PTPRT: variants seen among roughly 807,000 people sequenced by gnomAD.
The protein encoded by PTPRT is receptor-type tyrosine-protein phosphatase T.
A neutral mutation model predicts 176.8 loss-of-function variants in PTPRT; 56 were observed. The ratio of observed to expected loss-of-function variants is 0.32; its 90% CI spans 0.26 to 0.40. The LOEUF is 0.40. Ranked by LOEUF, PTPRT falls within the 10% of genes least tolerant of loss-of-function variation. The probability of loss-of-function intolerance (pLI) is 1.00; values close to 1 mark genes in which losing one functional copy is unlikely to be tolerated. For missense variants in PTPRT, 1,540 were observed against 1,908.2 expected, an observed-to-expected ratio of 0.81 and a Z score of 3.60; for synonymous variants, 783 against 739.0, an observed-to-expected ratio of 1.06 and a Z score of -0.96.
In PTPRT at chr20:42,480,985, C is replaced by T. The variant is rs551067939; in HGVS notation, c.1154-8423G>A. 1.1e-4 allele frequency among the ~76,000 whole-genome samples: 17 copies of T among 151,118 alleles called. No individual in the cohort carries two copies. In the South Asian group the frequency reaches 3.1e-3, roughly 28 times the overall value. ...TACCATTTTTCATGAAAGGTTCATT[C>T]GAGGCAAGTACAACAATACTCTAAG... On this transcript the variant is annotated intron_variant, in intron 7 of 30. Coordinates refer to ENST00000373187, the MANE Select transcript of PTPRT (RefSeq NM_007050.6).
chr20:43,080,667 C>A (rs936438805), intron 1 of PTPRT, among the ~76,000 whole-genome samples: 4 of 152,236 alleles, frequency 2.6e-5, no homozygotes, highest in South Asian at 2.1e-4. Context: ...CTCTCCAGCT[C>A]TTCTTGCATG....
rs554477448 is a variant in PTPRT, at chr20:42,640,609, G to A, written c.1153+37257C>T. ...TCACCATGTTGGCCAGGCTGGTCTC[G>A]AACTCCTGACCACCGCCTCAGCCTC... On this transcript the variant is annotated intron_variant, in intron 7 of 30. Transcript: ENST00000373187. 3.3e-5 allele frequency among the ~76,000 whole-genome samples: 5 copies of A among 152,000 alleles called. No homozygotes were observed. In the South Asian group the frequency reaches 6.2e-4, roughly 19 times the overall value.
chr20:42,102,144 T>C lies in PTPRT; in HGVS notation c.3694A>G (p.Ile1232Val), dbSNP rs2146238866. ...CTTACATCCATCAGTGCTGCGTTGA[T>C]GTAATTGCTGGATTCTCCGTCCACT... ...ISVDGESSNY[I>V]NAALMDSHKQ... is the part of the protein sequence containing the mutation. Residue 1232 changes from isoleucine (I) to valine (V), a missense_variant, in exon 26 of 31, where the codon ATC becomes GTC. By Grantham distance (29) the Ile-to-Val change is conservative. Around this residue, in one of 11 missense-constraint regions of PTPRT, gnomAD observed 342 missense variants for 394.0 expected, o/e 0.87. Transcript: ENST00000373187. The C allele has an allele frequency of 1.2e-6, 2 of 1,614,010 alleles. No individual in the cohort carries two copies. The highest frequency in any genetic ancestry group is 1.7e-6 in the Non-Finnish European group (2 of 1,179,986).
At chr20:43,024,071 G>T (rs1268467244) in intron 1 of PTPRT, among the ~76,000 whole-genome samples, 1 of 152,146 alleles carries the variant, frequency 6.6e-6, no homozygotes, top group Non-Finnish European at 1.5e-5. Flanking sequence ...AGCACAGTGA[G>T]TATGAGCACC....
At chr20:42,213,387 G>A (rs908243627) in intron 15 of PTPRT, among the ~76,000 whole-genome samples, 2 of 152,138 alleles carry the variant, frequency 1.3e-5, no homozygotes, top group Admixed American at 6.5e-5. Context: ...TCCCCTCTCT[G>A]TGTATTGATT....
intron 1 of PTPRT, among the ~76,000 whole-genome samples, chr20:43,181,321 G>C (rs958225314): frequency 6.6e-6 from 1 of 152,180 alleles, no homozygotes. Context: ...CTGCATTGGG[G>C]GAGTGACTTG....
rs767338819 is a variant in PTPRT, at chr20:42,678,016, C to A, written c.1003G>T (p.Ala335Ser). ...GGAGAGTCGACTATGTGGGTCTCTG[C>A]CCACGTGCCTGTGGTGGTGCGATAT... is the stretch of plus-strand genomic sequence containing the variant. ...VEYRTTTGTW[A>S]ETHIVDSPNY... The change falls in exon 7 of 31, where the codon GCA (alanine) becomes TCA (serine). Residue 335 changes from alanine (A) to serine (S), a missense_variant. Around this residue, in one of 11 missense-constraint regions of PTPRT, gnomAD observed 273 missense variants for 432.1 expected, o/e 0.63. Transcript: ENST00000373187. The A allele has an allele frequency of 7.4e-6, 12 of 1,614,190 alleles. No homozygotes were observed. In the East Asian group the frequency reaches 1.8e-4, roughly 24 times the overall value.
chr20:42,205,677 G>C (rs1395758650), intron 15 of PTPRT, among the ~76,000 whole-genome samples: 3 of 152,080 alleles, frequency 2.0e-5, no homozygotes, highest in East Asian at 1.9e-4. Flanking sequence ...CCACTCTCCT[G>C]GGGAGACACT....
the PTPRT span, among the ~76,000 whole-genome samples, chr20:42,043,267 C>T: frequency 2.0e-5 from 3 of 152,204 alleles, no homozygotes; most frequent in South Asian, 6.2e-4. Context: ...CTTCCACATC[C>T]TAAAATTTGG....
At chr20:42,823,544 A>T (rs184400728) in intron 2 of PTPRT, among the ~76,000 whole-genome samples, 36 of 151,606 alleles carry the variant, frequency 2.4e-4, no homozygotes, top group African/African-American at 5.8e-4. Flanking sequence ...AAATGAAATT[A>T]AAAAAAAAGT....
At chr20:43,076,519 T>C (rs1285368393) in intron 1 of PTPRT, among the ~76,000 whole-genome samples, 3 of 152,118 alleles carry the variant, frequency 2.0e-5, no homozygotes, top group Non-Finnish European at 4.4e-5. Context: ...ACTGTAGATA[T>C]GTGGTCCTTA....
At chr20:42,236,114 A>T (rs756658399) in intron 15 of PTPRT, 115 bp downstream of exon 15, 46 of 888,608 alleles carry the variant, frequency 5.2e-5, no homozygotes, top group Non-Finnish European at 6.2e-5. Context: ...GGCTACAGAC[A>T]ACTTAGACAG....
At chr20:43,132,751 A>T (rs4812672) in intron 1 of PTPRT, among the ~76,000 whole-genome samples, 59,401 of 152,020 alleles carry the variant, frequency 0.39, 12,466 homozygotes, top group East Asian at 0.79. Context: ...GCCAATATGG[A>T]AATTTAATAT....
intron 15 of PTPRT, among the ~76,000 whole-genome samples, chr20:42,227,608 T>G (rs1018051164): frequency 5.0e-5 from 7 of 140,238 alleles, no homozygotes; most frequent in African/African-American, 5.4e-5. Flanking sequence ...TTGTTTTTTT[T>G]TTTTTTTTTT....
chr20:42,084,678 T>C lies in PTPRT; in HGVS notation c.4136+4A>G. 1 of 1,498,788 alleles carries C rather than the reference T, an allele frequency of 6.7e-7. No homozygotes were observed. The highest frequency in any genetic ancestry group is 9.0e-7 in the Non-Finnish European group (1 of 1,113,882). 92.8% of individuals were successfully genotyped at this position (1,498,788 alleles called of 1,614,324 possible). On this transcript the variant is annotated splice_donor_region_variant and intron_variant, in intron 29 of 30. Transcript: ENST00000373187. ...TGCCCTGGTGACACCTCCCTAGTAC[T>C]CACAGGCAGTGGACCACAGTACGTC...
intron 12 of PTPRT, among the ~76,000 whole-genome samples, chr20:42,310,643 C>T (rs187993530): frequency 1.4e-4 from 22 of 151,788 alleles, no homozygotes; most frequent in Admixed American, 1.4e-3. Flanking sequence ...TTTGGCTTCT[C>T]GTCTAGACTA....
At chr20:42,065,069 G>A in the PTPRT span, among the ~76,000 whole-genome samples, 1 of 152,174 alleles carries the variant, frequency 6.6e-6, no homozygotes. Flanking sequence ...ATCAACAGCA[G>A]CCATACATGT....
chr20:42,543,200 T>C (rs1296091757), intron 7 of PTPRT, among the ~76,000 whole-genome samples: 1 of 152,224 alleles, frequency 6.6e-6, no homozygotes, highest in Non-Finnish European at 1.5e-5. Flanking sequence ...TGCTCTTTGA[T>C]TGACAGCCTT....
chr20:42,309,329 GAAAC>G (rs1160878873), intron 12 of PTPRT, among the ~76,000 whole-genome samples: 1 of 152,104 alleles, frequency 6.6e-6, no homozygotes, highest in East Asian at 1.9e-4. Context: ...GGAAGAGTGT[GAAAC>G]AAACAATGCG....
Sources: allele counts gnomAD v4.1 joint callset (sites outside exome capture counted in the v4.1 genomes callset), GRCh38; gene constraint gnomAD v4.1.1; regional missense constraint gnomAD v4.1.1; transcripts MANE v1.5; gene names NCBI Gene and HGNC (gene_info 2026-07-23, HGNC 2026-07-21).